Variants in CMTM8 observed in about 807,000 individuals in gnomAD.
CMTM8 encodes the protein CKLF like MARVEL transmembrane domain containing 8, also known as CKLF-like MARVEL transmembrane domain-containing protein 8.
A neutral mutation model predicts 18.6 loss-of-function variants in CMTM8; 12 were observed. The observed-to-expected ratio is 0.65, with a 90% CI of 0.41 to 1.05. CMTM8 has a LOEUF of 1.05. Ranked by LOEUF, CMTM8 falls within the 50% of genes least tolerant of loss-of-function variation. The pLI is 0.00. For missense variants in CMTM8, 217 were observed against 227.2 expected, an observed-to-expected ratio of 0.95 and a Z score of 0.29; for synonymous variants, 87 against 90.6, an observed-to-expected ratio of 0.96 and a Z score of 0.23.
chr3:32,354,351 T>G (rs1379222321), intron 1 of CMTM8, among the ~76,000 whole-genome samples: 1 of 152,126 alleles, frequency 6.6e-6, no homozygotes, highest in Non-Finnish European at 1.5e-5. Context: ...ACCTAGGAAA[T>G]TCACTTGGGT....
At chr3:32,330,047 A>G (rs547032271) in intron 1 of CMTM8, among the ~76,000 whole-genome samples, 1 of 152,300 alleles carries the variant, frequency 6.6e-6, no homozygotes, top group Non-Finnish European at 1.5e-5. Flanking sequence ...TACACTGAAA[A>G]CTACAAAACA....
At chr3:32,264,489 G>A (rs1456325675) in intron 1 of CMTM8, among the ~76,000 whole-genome samples, 1 of 152,202 alleles carries the variant, frequency 6.6e-6, no homozygotes, top group African/African-American at 2.4e-5. Flanking sequence ...ACCAGCCACT[G>A]CAAAAACATG....
At chr3:32,274,541 A>G (rs371163080) in intron 1 of CMTM8, among the ~76,000 whole-genome samples, 4 of 152,252 alleles carry the variant, frequency 2.6e-5, no homozygotes, top group African/African-American at 7.2e-5. Context: ...TTCATATTTT[A>G]TGGAACCAAT....
rs1437650750 is a variant in CMTM8 at position 32,289,817 on chromosome 3, G to A, written c.147+50698G>A. ...GGCCCTAACCAGTGTAGTAAGACAA[G>A]AATAAGAAATACAAGGATGGGGGAA... On this transcript the variant is annotated intron_variant, in intron 1 of 3. Coordinates refer to ENST00000307526, the MANE Select transcript of CMTM8 (RefSeq NM_178868.5). Among the ~76,000 whole-genome samples the A allele has an allele frequency of 2.0e-5, 3 of 152,264 alleles. No homozygotes were observed. The East Asian group carries it at 5.8e-4, about 29-fold the overall frequency.
chr3:32,266,952 G>A (rs1312688337), intron 1 of CMTM8, among the ~76,000 whole-genome samples: 1 of 152,242 alleles, frequency 6.6e-6, no homozygotes, highest in East Asian at 1.9e-4. Context: ...AATAAAAGAG[G>A]ATACAAACAA....
intron 1 of CMTM8, among the ~76,000 whole-genome samples, chr3:32,270,871 AT>A (rs1182113159): frequency 6.6e-6 from 1 of 152,120 alleles, no homozygotes; most frequent in African/African-American, 2.4e-5. Flanking sequence ...AAGTATAATA[AT>A]AAAAAAATAA....
intron 1 of CMTM8, among the ~76,000 whole-genome samples, chr3:32,304,024 C>T (rs759390411): frequency 9.2e-5 from 14 of 152,148 alleles, no homozygotes; most frequent in Non-Finnish European, 1.8e-4. Context: ...TTTGAGGATC[C>T]AGTCAAGGAT....
At chr3:32,313,995 GA>G (rs1246290087) in intron 1 of CMTM8, among the ~76,000 whole-genome samples, 1 of 151,954 alleles carries the variant, frequency 6.6e-6, no homozygotes, top group Non-Finnish European at 1.5e-5. Context: ...CCCTGTCTCA[GA>G]AAAAAAGATC....
At chr3:32,352,230 A>G (rs1327447476) in intron 1 of CMTM8, among the ~76,000 whole-genome samples, 1 of 150,084 alleles carries the variant, frequency 6.7e-6, no homozygotes, top group Non-Finnish European at 1.5e-5. Flanking sequence ...AAAAAAAACT[A>G]TCAAGAAATA....
intron 1 of CMTM8, among the ~76,000 whole-genome samples, chr3:32,255,869 G>T (rs1257369276): frequency 6.6e-6 from 1 of 151,902 alleles, no homozygotes; most frequent in African/African-American, 2.4e-5. Context: ...GGGACTACAG[G>T]TACTTGCCAC....
At chr3:32,263,339 C>T (rs1445868815) in intron 1 of CMTM8, among the ~76,000 whole-genome samples, 3 of 152,130 alleles carry the variant, frequency 2.0e-5, no homozygotes, top group South Asian at 2.1e-4. Flanking sequence ...CCCAGGCAAA[C>T]GGTCTGGAGT....
At chr3:32,271,928 A>T (rs1159162715) in intron 1 of CMTM8, among the ~76,000 whole-genome samples, 1 of 152,216 alleles carries the variant, frequency 6.6e-6, no homozygotes, top group Non-Finnish European at 1.5e-5. Flanking sequence ...CCACCTACAA[A>T]TTAGGCATTC....
rs1447915814 is a variant in CMTM8 at position 32,358,603 on chromosome 3, C to T, written c.321+1057C>T. Among the ~76,000 whole-genome samples, 5 of 152,200 alleles carry T rather than the reference C, an allele frequency of 3.3e-5. No homozygotes were observed. The highest frequency in any genetic ancestry group is 3.3e-4 in the Admixed American group (5 of 15,270). ...CAACACTATCATTGTTCAAAACGCA[C>T]CTGGCTTTGTTCTTTCTGTGTTGCT... On this transcript the variant is annotated intron_variant, in intron 2 of 3. Transcript: ENST00000307526. The surrounding 1 kb of genome is among the most constrained non-coding windows in gnomAD (Gnocchi z 4.1).
At chr3:32,368,589 T>C (rs757201420) in intron 3 of CMTM8, among the ~76,000 whole-genome samples, 16 of 151,472 alleles carry the variant, frequency 1.1e-4, no homozygotes, top group African/African-American at 2.9e-4. Flanking sequence ...GCCTCCTGAA[T>C]AGCTGGGACT....
chr3:32,323,629 C>G (rs1172023986), intron 1 of CMTM8, among the ~76,000 whole-genome samples: 1 of 152,166 alleles, frequency 6.6e-6, no homozygotes, highest in Admixed American at 6.5e-5. Flanking sequence ...AAGCCCCTTT[C>G]CTGCTCAGGT....
At chr3:32,348,632 A>G (rs1696648033) in intron 1 of CMTM8, among the ~76,000 whole-genome samples, 1 of 143,502 alleles carries the variant, frequency 7.0e-6, no homozygotes, top group South Asian at 2.3e-4. Context: ...CCAAGTAGCT[A>G]GGACTACAGG....
intron 1 of CMTM8, among the ~76,000 whole-genome samples, chr3:32,345,320 C>T (rs1400412611): frequency 6.6e-6 from 1 of 152,082 alleles, no homozygotes. Flanking sequence ...CAAGCCACTG[C>T]ACTCCAGCCT....
chr3:32,317,900 A>G lies in CMTM8; in HGVS notation c.148-39473A>G, dbSNP rs191433337. ...GAAACCCCGTCTCTATTAAAAATAT[A>G]AAAAATTAGCCGGGCATGGTTGTAG... is the stretch of plus-strand genomic sequence containing the variant. On this transcript the variant is annotated intron_variant, in intron 1 of 3. Transcript: ENST00000307526. Among the ~76,000 whole-genome samples the G allele has an allele frequency of 1.8e-3, 278 of 152,110 alleles. 4 individuals are homozygous for G. The highest frequency in any genetic ancestry group is 6.5e-3 in the African/African-American group (268 of 41,500).
rs573477446 is a variant in CMTM8 at position 32,261,406 on chromosome 3, T to G, written c.147+22287T>G. Among the ~76,000 whole-genome samples the G allele has an allele frequency of 1.1e-3, 161 of 152,310 alleles. 4 individuals are homozygous for G. In the South Asian group the frequency reaches 0.032, roughly 30 times the overall value. On this transcript the variant is annotated intron_variant, in intron 1 of 3. Transcript: ENST00000307526. ...AAGAAAAATATGCTTAAAAATATATTAAATTATAGTAGGAAAAACTCAAGT... is the reference window on the plus strand; with the variant it reads ...AAGAAAAATATGCTTAAAAATATATGAAATTATAGTAGGAAAAACTCAAGT...
Sources: gnomAD v4.1 joint callset for allele counts (sites outside exome capture counted in the v4.1 genomes callset) on GRCh38, gnomAD v4.1.1 for gene constraint, Gnocchi (gnomAD v3.1) non-coding constraint, MANE v1.5 for transcripts, NCBI Gene and HGNC (gene_info 2026-07-23, HGNC 2026-07-21) for gene names.